STK38: variants seen among roughly 807,000 people sequenced by gnomAD.
STK38 encodes the protein serine/threonine kinase 38.
A neutral mutation model predicts 59.0 loss-of-function variants in STK38; 26 were observed. The observed-to-expected ratio is 0.44, with a 90% CI of 0.32 to 0.61. STK38 has a LOEUF of 0.61. STK38 is among the 20% of genes least tolerant of loss of function. STK38 has a pLI of 0.04. For missense variants in STK38, 433 were observed against 566.0 expected (o/e 0.76, Z 2.38); for synonymous variants, 175 against 176.6 (o/e 0.99, Z 0.07).
chr6:36,504,278 A>C (rs945068900), intron 9 of STK38, among the ~76,000 whole-genome samples: 2 of 152,238 alleles, frequency 1.3e-5, no homozygotes, highest in African/African-American at 2.4e-5. Flanking sequence ...ACAGGACGAC[A>C]TAACAATTTA....
In STK38 at chr6:36,545,290, A is replaced by G. The variant is rs993572595; in HGVS notation, c.-6+1900T>C. Among the ~76,000 whole-genome samples the G allele has an allele frequency of 2.2e-3, 159 of 70,996 alleles. 1 individual carries two copies. The highest frequency in any genetic ancestry group is 2.5e-3 in the African/African-American group (34 of 13,336). The allele number at this position is 70,996 out of a possible 152,430, so 46.6% of individuals were successfully genotyped here. ...CCTGGGTGAGTGAGACTCCGTCTGGAAAAAAAAAAAAAAAAAAAAAAAAAA... is the reference window on the plus strand; with the variant it reads ...CCTGGGTGAGTGAGACTCCGTCTGGGAAAAAAAAAAAAAAAAAAAAAAAAA... On this transcript the variant is annotated intron_variant, in intron 1 of 13. Transcript: ENST00000229812.
chr6:36,530,304 G>A (rs1455902464), intron 2 of STK38, among the ~76,000 whole-genome samples: 2 of 152,024 alleles, frequency 1.3e-5, no homozygotes, highest in African/African-American at 2.4e-5. Context: ...AGAGGGGAGC[G>A]GAGGGGGAGG....
chr6:36,521,904 G>GA (rs1777386405), intron 4 of STK38, 87 bp from the exon 5 acceptor site: 9 of 1,061,386 alleles, frequency 8.5e-6, no homozygotes, highest in Non-Finnish European at 1.1e-5. Flanking sequence ...ATAATTAACT[G>GA]AAAAAGTATT....
chr6:36,528,400 AG>A (rs1488946999), intron 2 of STK38, among the ~76,000 whole-genome samples: 1 of 152,238 alleles, frequency 6.6e-6, no homozygotes, highest in African/African-American at 2.4e-5. Flanking sequence ...GAACTAGGGC[AG>A]GAAAACTAGA....
At chr6:36,501,715 G>A (rs1419178493) in intron 9 of STK38, among the ~76,000 whole-genome samples, 1 of 151,982 alleles carries the variant, frequency 6.6e-6, no homozygotes. Flanking sequence ...GTGAGCCACC[G>A]CAACCGGCCT....
chr6:36,522,194 G>A (rs1279505233), intron 4 of STK38: 2 of 176,684 alleles, frequency 1.1e-5, no homozygotes, highest in African/African-American at 4.8e-5. Flanking sequence ...AAAAGTAGCT[G>A]TGCATGGTGG....
intron 5 of STK38, among the ~76,000 whole-genome samples, chr6:36,521,239 C>T (rs1204297397): frequency 2.0e-5 from 3 of 152,096 alleles, no homozygotes; most frequent in African/African-American, 7.2e-5. Flanking sequence ...AATTAGAAGG[C>T]TGGTCTTTTT....
intron 9 of STK38, among the ~76,000 whole-genome samples, chr6:36,500,459 C>T (rs1380180650): frequency 6.6e-6 from 1 of 151,826 alleles, no homozygotes; most frequent in African/African-American, 2.4e-5. Flanking sequence ...TGGTAGAGCC[C>T]AGTTTAAAAA....
At chr6:36,515,217 A>G in intron 7 of STK38, 121 bp downstream of exon 7, 1 of 1,183,234 alleles carries the variant, frequency 8.5e-7, no homozygotes. Flanking sequence ...AAAAAAAAGG[A>G]AAATCATGAC....
intron 1 of STK38, among the ~76,000 whole-genome samples, chr6:36,541,079 T>C (rs1331184062): frequency 6.6e-6 from 1 of 151,888 alleles, no homozygotes; most frequent in African/African-American, 2.4e-5. Flanking sequence ...TTTGTATTTT[T>C]AGTAGAGACG....
intron 9 of STK38, among the ~76,000 whole-genome samples, chr6:36,504,141 C>A (rs1561974285): frequency 2.0e-5 from 3 of 152,238 alleles, no homozygotes; most frequent in Admixed American, 6.5e-5. Flanking sequence ...TTCCTACTCA[C>A]TTCTGTAAAT....
chr6:36,543,069 ATT>A (rs918419637), intron 1 of STK38, among the ~76,000 whole-genome samples: 1 of 146,020 alleles, frequency 6.8e-6, no homozygotes. Flanking sequence ...ATAGCGCTCA[ATT>A]TTTTTTTTTT....
At chr6:36,506,281 C>CA (rs1776959894) in intron 9 of STK38, among the ~76,000 whole-genome samples, 1 of 152,048 alleles carries the variant, frequency 6.6e-6, no homozygotes, top group Non-Finnish European at 1.5e-5. Flanking sequence ...TTAAATATAA[C>CA]CCCTTTACCA....
chr6:36,533,162 T>C (rs1199523807), intron 2 of STK38, among the ~76,000 whole-genome samples: 1 of 152,114 alleles, frequency 6.6e-6, no homozygotes, highest in East Asian at 1.9e-4. Flanking sequence ...TTGTTTTTCT[T>C]AAAGAGATGG....
chr6:36,522,560 AAAAC>A (rs770856734), intron 4 of STK38: 2 of 152,182 alleles, frequency 1.3e-5, no homozygotes, highest in Non-Finnish European at 2.9e-5. Context: ...TCTGGAAAGA[AAAAC>A]AAAAAATTCA....
chr6:36,531,734 C>A (rs1300329391), intron 2 of STK38, among the ~76,000 whole-genome samples: 1 of 152,198 alleles, frequency 6.6e-6, no homozygotes, highest in Non-Finnish European at 1.5e-5. Context: ...TTAAACCAAT[C>A]TGTAGAAGCT....
intron 7 of STK38, among the ~76,000 whole-genome samples, chr6:36,509,745 A>G (rs985058582): frequency 6.6e-6 from 1 of 152,100 alleles, no homozygotes; most frequent in Non-Finnish European, 1.5e-5. Context: ...TTCTGTAGGC[A>G]GTCCACTCCC....
intron 12 of STK38, 38 bp from the exon 13 acceptor site, chr6:36,496,843 TA>T: frequency 6.9e-7 from 1 of 1,454,862 alleles, no homozygotes; most frequent in Non-Finnish European, 9.6e-7. Context: ...ACTAAGTTAG[TA>T]ATCAAATGGA....
At chr6:36,522,047 T>C in intron 4 of STK38, 1 of 329,232 alleles carries the variant, frequency 3.0e-6, no homozygotes, top group Non-Finnish European at 5.5e-6. Flanking sequence ...TGAACAGCTT[T>C]GGTTCCTTAG....
Sources: allele counts gnomAD v4.1 joint callset (sites outside exome capture counted in the v4.1 genomes callset), GRCh38; gene constraint gnomAD v4.1.1; transcripts MANE v1.5; gene names NCBI Gene and HGNC (gene_info 2026-07-23, HGNC 2026-07-21).